MTA3: variants seen among roughly 807,000 people sequenced by gnomAD.
MTA3 encodes the protein metastasis associated 1 family member 3.
A neutral mutation model predicts 83.5 loss-of-function variants in MTA3; 34 were observed. The observed-to-expected ratio is 0.41, with a 90% CI of 0.31 to 0.54. MTA3 has a LOEUF of 0.54. Among genes scored for constraint, MTA3 ranks in the 20% least tolerant of loss-of-function variants. The probability of loss-of-function intolerance (pLI) is 0.33; values close to 1 mark genes in which losing one functional copy is unlikely to be tolerated. For synonymous variants in MTA3, 303 were observed against 252.7 expected, an observed-to-expected ratio of 1.20 and a Z score of -1.89; for missense variants, 761 against 726.4, an observed-to-expected ratio of 1.05 and a Z score of -0.55.
chr2:42,499,899 T>C (rs1434120591), intron 2 of MTA3, among the ~76,000 whole-genome samples: 1 of 151,996 alleles, frequency 6.6e-6, no homozygotes, highest in Non-Finnish European at 1.5e-5. Flanking sequence ...AGAAGTTGTA[T>C]ACATGAAATA....
At chr2:42,691,459 T>A (rs1692893822) in intron 9 of MTA3, among the ~76,000 whole-genome samples, 1 of 152,222 alleles carries the variant, frequency 6.6e-6, no homozygotes, top group Non-Finnish European at 1.5e-5. Flanking sequence ...GTTGATTCTG[T>A]GTCTTATTGT....
chr2:42,620,412 G>T (rs999929279), intron 4 of MTA3, among the ~76,000 whole-genome samples: 1 of 152,166 alleles, frequency 6.6e-6, no homozygotes, highest in Admixed American at 6.5e-5. Context: ...GAGCTACCGT[G>T]CCCTGCCGAC....
chr2:42,706,292 A>C (rs890405191), intron 12 of MTA3, among the ~76,000 whole-genome samples: 2 of 152,192 alleles, frequency 1.3e-5, no homozygotes, highest in East Asian at 1.9e-4. Flanking sequence ...AAAATAAAAA[A>C]TTTAAAAAAT....
chr2:42,646,781 T>A (rs1054405911), intron 6 of MTA3, among the ~76,000 whole-genome samples: 1 of 152,144 alleles, frequency 6.6e-6, no homozygotes, highest in Non-Finnish European at 1.5e-5. Context: ...ACTGTTGAAA[T>A]GGCAACGAAG....
At chr2:42,613,314 G>C (rs1276637985) in intron 4 of MTA3, among the ~76,000 whole-genome samples, 1 of 152,160 alleles carries the variant, frequency 6.6e-6, no homozygotes, top group African/African-American at 2.4e-5. Context: ...AAGAGACATA[G>C]ACATTTGGGG....
intron 8 of MTA3, among the ~76,000 whole-genome samples, chr2:42,661,297 G>A (rs1005238631): frequency 6.6e-6 from 1 of 151,958 alleles, no homozygotes; most frequent in African/African-American, 2.4e-5. Context: ...TCAGGAGTTT[G>A]ATACCAAGGT....
At chr2:42,571,963 T>A (rs1439526340) in intron 2 of MTA3, among the ~76,000 whole-genome samples, 3 of 138,296 alleles carry the variant, frequency 2.2e-5, no homozygotes, top group Non-Finnish European at 3.1e-5. Context: ...AAAAAAAAAA[T>A]TGAAGGGAAT....
intron 3 of MTA3, among the ~76,000 whole-genome samples, chr2:42,604,728 C>CGGCCTT (rs1683029144): frequency 7.0e-6 from 1 of 143,772 alleles, no homozygotes; most frequent in Non-Finnish European, 1.5e-5. Flanking sequence ...GAGGACCCTG[C>CGGCCTT]GGCCTTCCGC....
chr2:42,698,745 G>T (rs1371406), intron 11 of MTA3, among the ~76,000 whole-genome samples: 97,602 of 151,966 alleles, frequency 0.64, 32,263 homozygotes, highest in African/African-American at 0.8. Flanking sequence ...TATATACATA[G>T]AGGAGGCCTC....
Position 42,755,004 on chromosome 2 carries a change from C to T in MTA3, c.*1605C>T, listed in dbSNP as rs534897670. The T allele has an allele frequency of 2.3e-4, 229 of 985,622 alleles. No individual in the cohort carries two copies. The highest frequency in any genetic ancestry group is 2.7e-4 in the Non-Finnish European group (220 of 830,166). The allele number at this position is 985,622 out of a possible 1,614,324, so 61.1% of individuals were successfully genotyped here. A position where few individuals can be genotyped will look rare whatever the true frequency, so the allele number is the denominator to read the frequency against. The stretch of plus-strand genomic sequence containing the variant: ...ACCCACTCTTGGAGCTGTGCTGGGT[C>T]TTGGCTTGGGGCGCTGAGGGTGGGG... On this transcript the variant is annotated 3_prime_UTR_variant, in exon 17 of 17. Transcript: ENST00000405094.
intron 16 of MTA3, among the ~76,000 whole-genome samples, chr2:42,728,053 C>T (rs1222476749): frequency 6.6e-6 from 1 of 152,076 alleles, no homozygotes; most frequent in Non-Finnish European, 1.5e-5. Flanking sequence ...CTTATTCATT[C>T]TATCTAACTA....
At chr2:42,647,033 A>G (rs916983412) in intron 6 of MTA3, among the ~76,000 whole-genome samples, 23 of 150,428 alleles carry the variant, frequency 1.5e-4, no homozygotes, top group African/African-American at 5.1e-4. Flanking sequence ...GCGGGCGCCT[A>G]TAGTCCCAGC....
At chr2:42,654,717 C>G (rs1689005972) in intron 6 of MTA3, among the ~76,000 whole-genome samples, 1 of 152,188 alleles carries the variant, frequency 6.6e-6, no homozygotes, top group Non-Finnish European at 1.5e-5. Context: ...TGGGCTGAAG[C>G]AGCCTTTCCA....
intron 4 of MTA3, among the ~76,000 whole-genome samples, chr2:42,637,030 C>A (rs1288449649): frequency 1.3e-5 from 2 of 152,170 alleles, no homozygotes; most frequent in African/African-American, 4.8e-5. Flanking sequence ...ATGGGACATA[C>A]CATTAAGCAA....
intron 16 of MTA3, among the ~76,000 whole-genome samples, chr2:42,729,262 A>G (rs1668079214): frequency 6.7e-6 from 1 of 150,354 alleles, no homozygotes; most frequent in African/African-American, 2.4e-5. Flanking sequence ...ACGCCCGGCT[A>G]ATTTTTTGTA....
chr2:42,497,445 C>T (rs1459294678), intron 2 of MTA3, among the ~76,000 whole-genome samples: 7 of 151,638 alleles, frequency 4.6e-5, no homozygotes, highest in Non-Finnish European at 8.8e-5. Context: ...ATTAGCTGGG[C>T]GTGGTGGTGC....
intron 2 of MTA3, among the ~76,000 whole-genome samples, chr2:42,527,974 C>G (rs1416990997): frequency 3.3e-5 from 5 of 152,190 alleles, no homozygotes; most frequent in Admixed American, 3.3e-4. Context: ...CAGACTGGAC[C>G]AGTACAGTGG....
At chr2:42,649,621 A>T (rs1688526035) in intron 6 of MTA3, among the ~76,000 whole-genome samples, 1 of 152,206 alleles carries the variant, frequency 6.6e-6, no homozygotes, top group Non-Finnish European at 1.5e-5. Flanking sequence ...CTCACAGATA[A>T]GGAGAGTTTA....
intron 3 of MTA3, among the ~76,000 whole-genome samples, chr2:42,589,437 T>TC (rs1680709402): frequency 6.6e-6 from 1 of 152,222 alleles, no homozygotes; most frequent in African/African-American, 2.4e-5. Context: ...AAGCCAGTCT[T>TC]CCCTGACAAA....
Sources: gnomAD v4.1 joint callset for allele counts (sites outside exome capture counted in the v4.1 genomes callset) on GRCh38, gnomAD v4.1.1 for gene constraint, MANE v1.5 for transcripts, NCBI Gene and HGNC (gene_info 2026-07-23, HGNC 2026-07-21) for gene names.